DNAAF9: variants seen among roughly 807,000 people sequenced by gnomAD.
DNAAF9 encodes the protein shulin.
DNAAF9 carries 90 observed loss-of-function variants against 167.0 expected under a neutral mutation model. That is an observed-to-expected ratio of 0.54 (90% confidence interval 0.45 to 0.64). The LOEUF is 0.64. DNAAF9 is among the 30% of genes least tolerant of loss of function. DNAAF9 has a pLI of 0.00. For missense variants in DNAAF9, 1,315 were observed against 1,442.2 expected, an observed-to-expected ratio of 0.91 and a Z score of 1.43; for synonymous variants, 491 against 508.8, an observed-to-expected ratio of 0.96 and a Z score of 0.47.
intron 8 of DNAAF9, among the ~76,000 whole-genome samples, chr20:3,344,749 T>C (rs1031354320): frequency 5.9e-5 from 9 of 152,124 alleles, no homozygotes; most frequent in African/African-American, 2.2e-4. Context: ...TGCCAAATTG[T>C]TTTTTAAGTT....
In DNAAF9 at chr20:3,378,186, G is replaced by A. The variant is rs370271422; in HGVS notation, c.284-1884C>T. ...CCATATGGAAACCCCACAGCCTAAG[G>A]CCACTGAGGCAGGGAAACAGCACCA... On this transcript the variant is annotated intron_variant, in intron 3 of 36. Transcript: ENST00000252032. Among the ~76,000 whole-genome samples, 9 of 152,304 alleles carry A rather than the reference G, an allele frequency of 5.9e-5. No homozygotes were observed. The East Asian group carries it at 1.5e-3, about 26-fold the overall frequency.
intron 15 of DNAAF9, 46 bp downstream of exon 15, chr20:3,322,606 C>G: frequency 6.9e-7 from 1 of 1,442,982 alleles, no homozygotes; most frequent in Non-Finnish European, 9.8e-7. Context: ...TCTTTATCTT[C>G]CTAAAACTTG....
intron 10 of DNAAF9, 61 bp downstream of exon 10, chr20:3,340,443 C>CCCCCCA: frequency 5.2e-6 from 1 of 190,706 alleles, no homozygotes; most frequent in South Asian, 9.3e-5. Context: ...TCCCCCCACC[C>CCCCCCA]ACCCCACCCC....
chr20:3,365,667 C>A (rs181234940), intron 6 of DNAAF9, among the ~76,000 whole-genome samples: 28 of 152,340 alleles, frequency 1.8e-4, no homozygotes, highest in Admixed American at 1.4e-3. Flanking sequence ...GCTGGGATTA[C>A]AGGCATGAGC....
intron 2 of DNAAF9, 41 bp from the exon 3 acceptor site, chr20:3,381,539 C>A: frequency 6.3e-7 from 1 of 1,584,738 alleles, no homozygotes; most frequent in Non-Finnish European, 8.5e-7. Context: ...TACCATACTA[C>A]AGGGAGCAAA....
chr20:3,395,429 C>T (rs550996374), intron 1 of DNAAF9, among the ~76,000 whole-genome samples: 17 of 152,078 alleles, frequency 1.1e-4, no homozygotes, highest in African/African-American at 2.4e-4. Flanking sequence ...TACAGATGTG[C>T]GCCACTATGC....
intron 10 of DNAAF9, among the ~76,000 whole-genome samples, chr20:3,339,093 T>C (rs1402287055): frequency 6.6e-6 from 1 of 152,226 alleles, no homozygotes; most frequent in African/African-American, 2.4e-5. Flanking sequence ...ATTAAAGGTA[T>C]GCTTTGCTTC....
intron 21 of DNAAF9, among the ~76,000 whole-genome samples, chr20:3,301,938 A>T (rs2069196618): frequency 1.3e-5 from 2 of 151,652 alleles, no homozygotes; most frequent in Admixed American, 1.3e-4. Flanking sequence ...TTAAAAAATT[A>T]TATATATATA....
intron 8 of DNAAF9, among the ~76,000 whole-genome samples, chr20:3,344,190 T>C (rs2070146356): frequency 6.6e-6 from 1 of 152,188 alleles, no homozygotes; most frequent in Non-Finnish European, 1.5e-5. Flanking sequence ...TCTGCTGTGC[T>C]AATCCAAGGA....
Position 3,375,126 on chromosome 20 carries a change from AC to A in DNAAF9, c.409-1del. ...TCTTCTGCGGCTTCTTCATCTTCAT[AC>A]TGAAGAGACAAATCAAAAGAAAAAT... On this transcript the variant is annotated splice_acceptor_variant, in intron 4 of 36. Coordinates refer to ENST00000252032, the MANE Select transcript of DNAAF9 (RefSeq NM_001009984.3). LOFTEE classifies it high-confidence loss of function. 2 of 1,553,228 alleles carry A rather than the reference AC, an allele frequency of 1.3e-6. No homozygotes were observed. Among genetic ancestry groups the A allele is most frequent in the Non-Finnish European group, 1.8e-6 (2 of 1,124,974 alleles).
chr20:3,316,803 C>T lies in DNAAF9; in HGVS notation c.1469-10G>A. ...GTGGTAACAGTGCCATCTGCAGGAA[C>T]ACCACACACATGCCAGTTAATTCCC... On this transcript the variant is annotated splice_polypyrimidine_tract_variant and intron_variant, in intron 17 of 36. Coordinates refer to ENST00000252032, the MANE Select transcript of DNAAF9 (RefSeq NM_001009984.3). The T allele has an allele frequency of 6.2e-7, 1 of 1,606,844 alleles. No homozygotes were observed. The highest frequency in any genetic ancestry group is 8.5e-7 in the Non-Finnish European group (1 of 1,174,192).
intron 1 of DNAAF9, among the ~76,000 whole-genome samples, chr20:3,390,882 T>A (rs570611171): frequency 6.6e-6 from 1 of 152,186 alleles, no homozygotes; most frequent in Admixed American, 6.5e-5. Context: ...AAATAGTTCA[T>A]TGAGTTGGTC....
chr20:3,329,597 G>C (rs989065995), intron 12 of DNAAF9, among the ~76,000 whole-genome samples: 1 of 152,068 alleles, frequency 6.6e-6, no homozygotes, highest in Non-Finnish European at 1.5e-5. Flanking sequence ...ATACAACTTT[G>C]TGGGCCCTGC....
At chr20:3,260,231 C>T (rs895622409) in intron 31 of DNAAF9, among the ~76,000 whole-genome samples, 2 of 151,436 alleles carry the variant, frequency 1.3e-5, no homozygotes, top group Non-Finnish European at 1.5e-5. Context: ...CCCAGCTACT[C>T]GGGAGGCTGA....
chr20:3,335,849 G>A (rs531234574), intron 10 of DNAAF9, among the ~76,000 whole-genome samples: 8 of 151,658 alleles, frequency 5.3e-5, no homozygotes, highest in Non-Finnish European at 8.8e-5. Context: ...TGGGCTGAGC[G>A]TGGTGGCTCA....
At chr20:3,326,429 C>T in intron 12 of DNAAF9, 145 bp from the exon 13 acceptor site, 1 of 623,164 alleles carries the variant, frequency 1.6e-6, no homozygotes, top group Non-Finnish European at 2.8e-6. Context: ...ATTTCTAAAC[C>T]TTTTAAAAGT....
At chr20:3,302,782 G>C (rs1236466082) in intron 21 of DNAAF9, among the ~76,000 whole-genome samples, 1 of 152,192 alleles carries the variant, frequency 6.6e-6, no homozygotes, top group East Asian at 1.9e-4. Context: ...CTGAACCCAG[G>C]AGTGGAGGGA....
chr20:3,385,524 C>T (rs959706326), intron 1 of DNAAF9, among the ~76,000 whole-genome samples: 1 of 152,004 alleles, frequency 6.6e-6, no homozygotes, highest in African/African-American at 2.4e-5. Flanking sequence ...CTCATGGGCT[C>T]AAGCGATCCT....
At chr20:3,348,473 A>T (rs987938488) in intron 8 of DNAAF9, 52 bp downstream of exon 8, 14 of 952,086 alleles carry the variant, frequency 1.5e-5, no homozygotes, top group Admixed American at 4.7e-5. Context: ...AAATTAAAAC[A>T]ATAAATAAAT....
Sources: gnomAD v4.1 joint callset for allele counts (sites outside exome capture counted in the v4.1 genomes callset) on GRCh38, gnomAD v4.1.1 for gene constraint, MANE v1.5 for transcripts, NCBI Gene and HGNC (gene_info 2026-07-23, HGNC 2026-07-21) for gene names.